TRERF1: variants seen among roughly 807,000 people sequenced by gnomAD.
The protein encoded by TRERF1 is transcriptional-regulating factor 1.
In TRERF1, 27 loss-of-function variants were observed where a neutral mutation model predicts 122.9. The observed-to-expected ratio is 0.22, with a 90% CI of 0.16 to 0.30. TRERF1 has a LOEUF of 0.30. Among genes scored for constraint, TRERF1 ranks in the 10% least tolerant of loss-of-function variants. TRERF1 has a pLI of 1.00. For synonymous variants in TRERF1, 636 were observed against 641.7 expected (o/e 0.99, Z 0.13); for missense variants, 1,248 against 1,560.3 (o/e 0.80, Z 3.37).
chr6:42,373,662 G>T (rs1439660423), intron 2 of TRERF1, among the ~76,000 whole-genome samples: 1 of 151,638 alleles, frequency 6.6e-6, no homozygotes, highest in Non-Finnish European at 1.5e-5. Flanking sequence ...GTGAGACTCC[G>T]TCTAAAAAAA....
At chr6:42,322,267 T>A (rs913979124) in intron 3 of TRERF1, among the ~76,000 whole-genome samples, 2 of 152,136 alleles carry the variant, frequency 1.3e-5, no homozygotes, top group Non-Finnish European at 2.9e-5. Context: ...TTATCTATCA[T>A]AACAGAAAGT....
chr6:42,376,767 T>G (rs113734591), intron 2 of TRERF1, among the ~76,000 whole-genome samples: 5,544 of 151,940 alleles, frequency 0.036, 159 homozygotes, highest in Non-Finnish European at 0.051. Context: ...GGTCTCAATC[T>G]CTTGACCTTA....
intron 3 of TRERF1, among the ~76,000 whole-genome samples, chr6:42,350,211 T>C (rs2150814877): frequency 6.6e-6 from 1 of 152,330 alleles, no homozygotes; most frequent in Admixed American, 6.5e-5. Flanking sequence ...TGGAATTCAC[T>C]CATCCAACAC....
At chr6:42,400,075 C>G (rs564266720) in intron 2 of TRERF1, among the ~76,000 whole-genome samples, 2 of 152,336 alleles carry the variant, frequency 1.3e-5, no homozygotes, top group African/African-American at 4.8e-5. Context: ...CTGATTGTCA[C>G]TCAATGGAAC....
chr6:42,326,251 CA>C (rs10713251), intron 3 of TRERF1, among the ~76,000 whole-genome samples: 21,531 of 151,892 alleles, frequency 0.14, 3,019 homozygotes, highest in African/African-American at 0.37. Flanking sequence ...GAAGGGGTGA[CA>C]GGGGCCTGTA....
chr6:42,318,488 G>A (rs1561978725), intron 3 of TRERF1, among the ~76,000 whole-genome samples: 1 of 152,152 alleles, frequency 6.6e-6, no homozygotes, highest in Non-Finnish European at 1.5e-5. Context: ...CAGCCAAGAC[G>A]AACCCTTCAT....
chr6:42,289,324 C>G (rs1783864211), intron 4 of TRERF1, among the ~76,000 whole-genome samples: 1 of 148,408 alleles, frequency 6.7e-6, no homozygotes, highest in Non-Finnish European at 1.5e-5. Flanking sequence ...GAGTGAGACT[C>G]TGTCTCAAAA....
intron 2 of TRERF1, among the ~76,000 whole-genome samples, chr6:42,370,350 T>C (rs189668836): frequency 6.6e-6 from 1 of 152,322 alleles, no homozygotes; most frequent in African/African-American, 2.4e-5. Context: ...TGGGTGACAT[T>C]ATTTTCACTT....
intron 13 of TRERF1, 128 bp from the exon 14 acceptor site, chr6:42,246,672 T>G: frequency 8.5e-6 from 5 of 591,422 alleles, no homozygotes; most frequent in Non-Finnish European, 1.4e-5. Flanking sequence ...AACTCCCATT[T>G]GAACAAAAAG....
intron 2 of TRERF1, among the ~76,000 whole-genome samples, chr6:42,425,113 T>C (rs1244194860): frequency 6.6e-6 from 1 of 151,960 alleles, no homozygotes; most frequent in Non-Finnish European, 1.5e-5. Context: ...TAACCTGGAC[T>C]GAAGAGAGGG....
chr6:42,368,930 T>A (rs1773264207), intron 2 of TRERF1, among the ~76,000 whole-genome samples: 1 of 152,112 alleles, frequency 6.6e-6, no homozygotes, highest in Non-Finnish European at 1.5e-5. Context: ...CAGAGAATAG[T>A]AACATTTTAG....
At chr6:42,355,472 C>T (rs1770338998) in intron 3 of TRERF1, among the ~76,000 whole-genome samples, 1 of 152,162 alleles carries the variant, frequency 6.6e-6, no homozygotes, top group Non-Finnish European at 1.5e-5. Flanking sequence ...AAAACTTTTA[C>T]ATTCCTAAGT....
chr6:42,302,333 C>A (rs939193418), intron 3 of TRERF1, among the ~76,000 whole-genome samples: 11 of 152,144 alleles, frequency 7.2e-5, no homozygotes, highest in African/African-American at 2.4e-4. Context: ...TTGAGGGAGG[C>A]ATTACAAGTC....
intron 2 of TRERF1, among the ~76,000 whole-genome samples, chr6:42,374,194 T>A (rs1412771006): frequency 6.6e-6 from 1 of 150,822 alleles, no homozygotes; most frequent in Non-Finnish European, 1.5e-5. Flanking sequence ...AAGAGCCTGC[T>A]AAGCCTTAGA....
At position 42,261,776 on chromosome 6, in the gene TRERF1, A is replaced by G. The variant is rs374464658; in HGVS notation, c.1884+1544T>C. ...CCACTTCAGCCTACCGCCCCCACCA[A>G]CGAGGTCTCTCTCACCCTTCCATTA... On this transcript the variant is annotated intron_variant, in intron 8 of 17. Transcript: ENST00000372922. Among the ~76,000 whole-genome samples, 63 of 152,234 alleles carry G rather than the reference A, an allele frequency of 4.1e-4. No individual in the cohort carries two copies. The South Asian group carries it at 0.012, about 29-fold the overall frequency.
intron 2 of TRERF1, among the ~76,000 whole-genome samples, chr6:42,378,388 G>GA (rs200117763): frequency 0.097 from 12,821 of 132,338 alleles, 672 homozygotes; most frequent in East Asian, 0.17. Context: ...GAAGAAAAAA[G>GA]AAAAAAAAAA....
At chr6:42,448,141 A>G (rs1191047885) in intron 2 of TRERF1, among the ~76,000 whole-genome samples, 1 of 152,202 alleles carries the variant, frequency 6.6e-6, no homozygotes, top group Non-Finnish European at 1.5e-5. Context: ...CTTATCACAA[A>G]TATTCAGCCA....
intron 2 of TRERF1, among the ~76,000 whole-genome samples, chr6:42,435,958 C>T (rs1388172818): frequency 6.7e-6 from 1 of 148,412 alleles, no homozygotes; most frequent in African/African-American, 2.5e-5. Context: ...CCAGCCCAGG[C>T]GACAGTGCGA....
intron 3 of TRERF1, among the ~76,000 whole-genome samples, chr6:42,344,269 C>T (rs771020962): frequency 1.3e-5 from 2 of 152,172 alleles, no homozygotes; most frequent in Non-Finnish European, 2.9e-5. Flanking sequence ...ATGTCCTCTT[C>T]GCAGGTCAGG....
Sources: allele counts gnomAD v4.1 joint callset (sites outside exome capture counted in the v4.1 genomes callset), GRCh38; gene constraint gnomAD v4.1.1; transcripts MANE v1.5; gene names NCBI Gene and HGNC (gene_info 2026-07-23, HGNC 2026-07-21).